The following SDC4 variants were observed in gnomAD, a reference collection of about 807,000 sequenced individuals.
SDC4 encodes the protein syndecan 4, also known as syndecan-4.
A neutral mutation model predicts 20.5 loss-of-function variants in SDC4; 17 were observed. The observed-to-expected ratio is 0.83, with a 90% CI of 0.57 to 1.25. The LOEUF (loss-of-function observed/expected upper bound fraction) is 1.25, where lower values mean the gene tolerates loss of function less well. Ranked by LOEUF, SDC4 falls within the 50% of genes most tolerant of loss-of-function variation. SDC4 has a pLI of 0.00. For missense variants in SDC4, 241 were observed against 252.3 expected, an observed-to-expected ratio of 0.96 and a Z score of 0.30; for synonymous variants, 107 against 105.3, an observed-to-expected ratio of 1.02 and a Z score of -0.10.
At chr20:45,332,230 A>G (rs972183843) in intron 3 of SDC4, among the ~76,000 whole-genome samples, 4 of 149,088 alleles carry the variant, frequency 2.7e-5, no homozygotes, top group Non-Finnish European at 4.4e-5. Context: ...ATCTCTGCCC[A>G]CTGCAATCTC....
chr20:45,336,015 A>G, intron 1 of SDC4, 95 bp from the exon 2 acceptor site: 2 of 1,411,842 alleles, frequency 1.4e-6, no homozygotes, highest in Non-Finnish European at 1.9e-6. Context: ...CAGAAACTAG[A>G]AAGAGACCAG....
intron 1 of SDC4, among the ~76,000 whole-genome samples, chr20:45,342,396 CCCAGAGG>C (rs1387652801): frequency 6.6e-6 from 1 of 152,224 alleles, no homozygotes; most frequent in Admixed American, 6.5e-5. Context: ...TGCCCCCACG[CCCAGAGG>C]CTAGAGTGAC....
Position 45,348,409 on chromosome 20 carries a change from G to T in SDC4, c.-25C>A. The T allele has an allele frequency of 6.5e-7, 1 of 1,529,750 alleles. No homozygotes were observed. Among genetic ancestry groups the T allele is most frequent in the Non-Finnish European group, 8.8e-7 (1 of 1,141,332 alleles). 94.8% of individuals were successfully genotyped at this position (1,529,750 alleles called of 1,614,324 possible). ...TGGCACCGCGGACTGGAGAAGGCGC[G>T]CAGGCTGCGGCGAGTGGCCCCGGGC... On this transcript the variant is annotated 5_prime_UTR_variant, in exon 1 of 5. Coordinates refer to ENST00000372733, the MANE Select transcript of SDC4 (RefSeq NM_002999.4).
chr20:45,329,670 T>C (rs1387320635), intron 4 of SDC4, among the ~76,000 whole-genome samples: 6 of 152,184 alleles, frequency 3.9e-5, no homozygotes, highest in African/African-American at 1.4e-4. Flanking sequence ...GGGCCCAGGG[T>C]GCCCACTTGC....
rs1025801470 is a variant in SDC4 at position 45,327,312 on chromosome 20, G to A, written c.549C>T (p.Gly183=). 1 of 1,614,196 alleles carries A rather than the reference G, an allele frequency of 6.2e-7. No individual in the cohort carries two copies. The highest frequency in any genetic ancestry group is 8.5e-7 in the Non-Finnish European group (1 of 1,180,044). ...GGGCTTTCTTGTAGATGGGTTTCTT[G>A]CCCAGGTCATAGCTGCCTTCATCCT... ...KKKDEGSYDL[G]KKPIYKKAPT... The change falls in exon 5 of 5, where the codon GGC becomes GGT. Residue 183 remains glycine, a synonymous_variant. Transcript: ENST00000372733.
In SDC4 at chr20:45,335,917, G is replaced by A. The variant is rs374506591; in HGVS notation, c.64C>T (p.Arg22Ter). 66 of 1,611,374 alleles carry A rather than the reference G, an allele frequency of 4.1e-5. No homozygotes were observed. Among genetic ancestry groups the A allele is most frequent in the Non-Finnish European group, 5.3e-5 (63 of 1,179,830 alleles). ...FFVGGVAESI[R>*]ETEVIDPQDL... ...TGGGGGTCGATGACCTCAGTCTCTC[G>A]GATCTAAGATAAAGAAAGGAGACAC... The change falls in exon 2 of 5, where the codon CGA becomes TGA. Residue 22 changes from arginine to a stop codon, truncating the protein, a stop_gained. Transcript: ENST00000372733. LOFTEE classifies it high-confidence loss of function.
rs544575984 is a variant in SDC4 at position 45,339,731 on chromosome 20, C to A, written c.61-3811G>T. Among the ~76,000 whole-genome samples the A allele has an allele frequency of 1.7e-4, 26 of 152,272 alleles. No individual in the cohort carries two copies. The South Asian group carries it at 5.0e-3, about 29-fold the overall frequency. On this transcript the variant is annotated intron_variant, in intron 1 of 4. Transcript: ENST00000372733. ...CTCCAGCCTGGGTGACAGAGGAAGA[C>A]CCTGTCTCCAAAAAATAAAAAATAG...
At chr20:45,347,720 T>A in intron 1 of SDC4, among the ~76,000 whole-genome samples, 1 of 152,102 alleles carries the variant, frequency 6.6e-6, no homozygotes, top group East Asian at 1.9e-4. Flanking sequence ...CAGTGTCCCC[T>A]CTTGCCCCAT....
chr20:45,341,149 G>A (rs1047317329), intron 1 of SDC4, among the ~76,000 whole-genome samples: 23 of 152,208 alleles, frequency 1.5e-4, no homozygotes, highest in African/African-American at 5.5e-4. Flanking sequence ...CGTGATCAAT[G>A]AATAGTGGCT....
rs901089819 is a variant in SDC4, at chr20:45,326,117, AT to A, written c.*1146del. 18 of 152,338 alleles carry A rather than the reference AT, an allele frequency of 1.2e-4. No homozygotes were observed. Among genetic ancestry groups the A allele is most frequent in the Non-Finnish European group, 2.9e-5 (2 of 68,020 alleles). 9.4% of individuals were successfully genotyped at this position (152,338 alleles called of 1,614,324 possible). A position where few individuals can be genotyped will look rare whatever the true frequency, so the allele number is the denominator to read the frequency against. Reference sequence around the variant, plus strand: ...TTTCCTGAAAAAAATATATTTATCTATTTTTCTAGAACCAAGGAAGAATAAT... The same window carrying A: ...TTTCCTGAAAAAAATATATTTATCTATTTTCTAGAACCAAGGAAGAATAAT... On this transcript the variant is annotated 3_prime_UTR_variant, in exon 5 of 5. Transcript: ENST00000372733.
chr20:45,331,813 T>A (rs368202074), intron 3 of SDC4, among the ~76,000 whole-genome samples: 3 of 152,304 alleles, frequency 2.0e-5, no homozygotes, highest in African/African-American at 7.2e-5. Context: ...ACCCCTTTGT[T>A]GGAAAACTCA....
Position 45,332,917 on chromosome 20 carries a change from A to G in SDC4, c.246+106T>C, listed in dbSNP as rs866472404. 2.6e-5 allele frequency: 28 copies of G among 1,079,370 alleles called. 1 individual carries two copies. Among genetic ancestry groups the G allele is most frequent in the Middle Eastern group, 2.3e-4 (1 of 4,378 alleles). 66.9% of individuals were successfully genotyped at this position (1,079,370 alleles called of 1,614,324 possible). ...AAAAAGCCTTCCCGCATAGTGGGGTAAGACCCCTCACTTATTCTGCCTATG... is the reference window on the plus strand; with the variant it reads ...AAAAAGCCTTCCCGCATAGTGGGGTGAGACCCCTCACTTATTCTGCCTATG... On this transcript the variant is annotated intron_variant, in intron 3 of 4. Transcript: ENST00000372733.
chr20:45,338,223 C>T lies in SDC4; in HGVS notation c.61-2303G>A, dbSNP rs531078949. On this transcript the variant is annotated intron_variant, in intron 1 of 4. Coordinates refer to ENST00000372733, the MANE Select transcript of SDC4 (RefSeq NM_002999.4). ...GTAAAGTCACTTGTCCAAGGCCACACAAGCAGGAAGTAGCCACACTGGGCC... is the reference window on the plus strand; with the variant it reads ...GTAAAGTCACTTGTCCAAGGCCACATAAGCAGGAAGTAGCCACACTGGGCC... Among the ~76,000 whole-genome samples, 8 of 152,326 alleles carry T rather than the reference C, an allele frequency of 5.3e-5. No individual in the cohort carries two copies. The East Asian group carries it at 1.5e-3, about 29-fold the overall frequency.
rs1157215982 is a variant in SDC4 at position 45,327,273 on chromosome 20, G to T, written c.588C>A (p.Phe196Leu). The change falls in exon 5 of 5, where the codon TTC (phenylalanine) becomes TTA (leucine). Residue 196 changes from phenylalanine to leucine, a missense_variant. Phe to Leu is a conservative substitution (Grantham distance 22). Coordinates refer to ENST00000372733, the MANE Select transcript of SDC4 (RefSeq NM_002999.4). ...TGCCCACAAGCAAGCTTCACGCGTA[G>T]AACTCATTGGTGGGGGCTTTCTTGT... ...PIYKKAPTNE[F>L]YA The T allele has an allele frequency of 1.2e-6, 2 of 1,614,070 alleles. No individual in the cohort carries two copies. Among genetic ancestry groups the T allele is most frequent in the African/African-American group, 1.3e-5 (1 of 74,932 alleles).
In SDC4 at chr20:45,327,403, C is replaced by A. The variant is rs553724239; in HGVS notation, c.458G>T (p.Gly153Val). ...RTEVLAALIV[G>V]GIVGILFAVF... is the part of the protein sequence containing the mutation. ...GGCAAAGAGGATGCCCACGATGCCA[C>A]CCACAATCAGAGCTGGAGAGGAGGA... The change falls in exon 5 of 5, where the codon GGT becomes GTT. Residue 153 changes from glycine (G) to valine (V), a missense_variant. Transcript: ENST00000372733. 1 of 1,613,970 alleles carries A rather than the reference C, an allele frequency of 6.2e-7. No homozygotes were observed.
Position 45,338,304 on chromosome 20 carries a change from T to G in SDC4, c.61-2384A>C, listed in dbSNP as rs565117335. On this transcript the variant is annotated intron_variant, in intron 1 of 4. Transcript: ENST00000372733. ...AACCACAAACACATAAACACACGCA[T>G]GAACACATATGTACACGGGGTCACC... Among the ~76,000 whole-genome samples, 151 of 152,176 alleles carry G rather than the reference T, an allele frequency of 9.9e-4. 1 individual carries two copies. Among genetic ancestry groups the G allele is most frequent in the Non-Finnish European group, 1.9e-3 (126 of 68,032 alleles).
intron 1 of SDC4, among the ~76,000 whole-genome samples, chr20:45,337,429 G>A (rs1041490252): frequency 6.6e-6 from 1 of 152,158 alleles, no homozygotes; most frequent in African/African-American, 2.4e-5. Flanking sequence ...AGGACCCAAG[G>A]AGCTCCTGTC....
At chr20:45,336,800 C>A (rs1319166583) in intron 1 of SDC4, among the ~76,000 whole-genome samples, 1 of 152,078 alleles carries the variant, frequency 6.6e-6, no homozygotes, top group Non-Finnish European at 1.5e-5. Flanking sequence ...GGCTGCCTCA[C>A]GCACACCCTA....
chr20:45,335,821 C>T lies in SDC4; in HGVS notation c.160G>A (p.Glu54Lys). ...DDEDVVGPGQESDDFELSGSG... is the reference protein window; with the variant it reads ...DDEDVVGPGQKSDDFELSGSG... ...CCAGACAGCTCAAAGTCATCAGATTCCTGCCCGGGCCCCACTACATCCTCA... is the reference window on the plus strand; with the variant it reads ...CCAGACAGCTCAAAGTCATCAGATTTCTGCCCGGGCCCCACTACATCCTCA... Residue 54 changes from glutamate (E) to lysine (K), a missense_variant, in exon 2 of 5, where the codon GAA (glutamate) becomes AAA (lysine). Physicochemically the swap from Glu to Lys is moderately conservative, Grantham distance 56. Coordinates refer to ENST00000372733, the MANE Select transcript of SDC4 (RefSeq NM_002999.4). 1 of 1,614,072 alleles carries T rather than the reference C, an allele frequency of 6.2e-7. No individual in the cohort carries two copies.
Sources: allele counts gnomAD v4.1 joint callset (sites outside exome capture counted in the v4.1 genomes callset), GRCh38; gene constraint gnomAD v4.1.1; transcripts MANE v1.5; gene names NCBI Gene and HGNC (gene_info 2026-07-23, HGNC 2026-07-21).